The following DNMBP variants were observed in gnomAD, a reference collection of about 807,000 sequenced individuals.
DNMBP encodes the protein dynamin-binding protein.
Under a neutral mutation model 150.0 loss-of-function variants are expected in DNMBP, and 87 were observed. That is an observed-to-expected ratio of 0.58 (90% CI 0.49 to 0.69). The LOEUF is 0.69. Ranked by LOEUF, DNMBP falls within the 30% of genes least tolerant of loss-of-function variation. The pLI is 0.00. For synonymous variants in DNMBP, 711 were observed against 750.4 expected, an observed-to-expected ratio of 0.95 and a Z score of 0.86; for missense variants, 1,774 against 1,949.0, an observed-to-expected ratio of 0.91 and a Z score of 1.69.
At chr10:99,998,740 T>C (rs1442586547) in intron 1 of DNMBP, among the ~76,000 whole-genome samples, 1 of 152,124 alleles carries the variant, frequency 6.6e-6, no homozygotes, top group Non-Finnish European at 1.5e-5. Flanking sequence ...TACTGCTGTT[T>C]TGGGGGGTGA....
chr10:99,904,827 T>G (rs1483542671), intron 6 of DNMBP, among the ~76,000 whole-genome samples: 2 of 152,190 alleles, frequency 1.3e-5, no homozygotes, highest in Non-Finnish European at 2.9e-5. Context: ...TATGGATATT[T>G]GCTTTCATTT....
At chr10:99,925,525 C>G (rs921593240) in intron 4 of DNMBP, among the ~76,000 whole-genome samples, 2 of 152,156 alleles carry the variant, frequency 1.3e-5, no homozygotes, top group Non-Finnish European at 2.9e-5. Flanking sequence ...AAGCGATTCT[C>G]CCGCCTCAGC....
intron 4 of DNMBP, chr10:99,914,152 G>C: frequency 4.7e-6 from 6 of 1,287,226 alleles, no homozygotes; most frequent in Non-Finnish European, 6.0e-6. Flanking sequence ...TGTCCTAAAG[G>C]ATGGAGCTGG....
At chr10:100,005,679 G>C (rs1391167507) in intron 1 of DNMBP, among the ~76,000 whole-genome samples, 5 of 150,428 alleles carry the variant, frequency 3.3e-5, no homozygotes, top group African/African-American at 7.4e-5. Context: ...GCTTGAACCC[G>C]GGAGGCGGAG....
chr10:99,903,757 A>G (rs2039780851), intron 6 of DNMBP, among the ~76,000 whole-genome samples: 1 of 152,210 alleles, frequency 6.6e-6, no homozygotes, highest in Non-Finnish European at 1.5e-5. Flanking sequence ...TTCACCATCC[A>G]GACATGATTT....
chr10:99,962,945 ACTG>A (rs1230297624), intron 3 of DNMBP, among the ~76,000 whole-genome samples: 1 of 151,470 alleles, frequency 6.6e-6, no homozygotes, highest in African/African-American at 2.4e-5. Flanking sequence ...TACCTGATGG[ACTG>A]CTATTTTATT....
At chr10:99,892,409 A>G (rs1281191381) in intron 11 of DNMBP, among the ~76,000 whole-genome samples, 1 of 139,890 alleles carries the variant, frequency 7.1e-6, no homozygotes, top group Non-Finnish European at 1.5e-5. Flanking sequence ...TTTGTTCTGC[A>G]CTAAGAAAAA....
intron 1 of DNMBP, among the ~76,000 whole-genome samples, chr10:99,989,257 G>A (rs774941665): frequency 2.0e-5 from 3 of 152,182 alleles, no homozygotes; most frequent in Non-Finnish European, 4.4e-5. Flanking sequence ...GTCACATTTT[G>A]GTAGGACTTG....
chr10:99,902,698 T>A, intron 6 of DNMBP, among the ~76,000 whole-genome samples: 1 of 144,250 alleles, frequency 6.9e-6, no homozygotes, highest in Non-Finnish European at 1.5e-5. Flanking sequence ...GAGGCCAAGG[T>A]GGGCGGATCC....
At chr10:99,948,002 G>A (rs144713536) in intron 4 of DNMBP, among the ~76,000 whole-genome samples, 4 of 152,208 alleles carry the variant, frequency 2.6e-5, no homozygotes, top group East Asian at 1.9e-4. Flanking sequence ...ATGTTTTTAC[G>A]ATGTTGATGA....
At position 99,936,192 on chromosome 10, in the gene DNMBP, A is replaced by G. The variant is rs555943429; in HGVS notation, c.2260+19022T>C. 3.0e-4 allele frequency among the ~76,000 whole-genome samples: 45 copies of G among 152,348 alleles called. No individual in the cohort carries two copies. The South Asian group carries it at 5.0e-3, about 17-fold the overall frequency. On this transcript the variant is annotated intron_variant, in intron 4 of 16. Transcript: ENST00000324109. ...ATAAAATTAGAGTAATTTTTTCAAAATTAAATCATAAATCATATAGAACTG... is the reference window on the plus strand; with the variant it reads ...ATAAAATTAGAGTAATTTTTTCAAAGTTAAATCATAAATCATATAGAACTG...
Position 99,909,142 on chromosome 10 carries a change from C to T in DNMBP, c.2265G>A (p.Met755Ile), listed in dbSNP as rs751240225. The change falls in exon 5 of 17, where the codon ATG (methionine) becomes ATA (isoleucine). Residue 755 changes from methionine (M) to isoleucine (I), a missense_variant. Transcript: ENST00000324109. ...ATGAAGACTGGGAGGAGAGGAGCGTCATTTCTAGAAGGGAAAAGAGAACTG... is the reference window on the plus strand; with the variant it reads ...ATGAAGACTGGGAGGAGAGGAGCGTTATTTCTAGAAGGGAAAAGAGAACTG... Reference protein sequence around the residue: ...LNMELQQLREMTLLSSQSSSL... With the variant: ...LNMELQQLREITLLSSQSSSL... The T allele has an allele frequency of 6.2e-6, 10 of 1,612,770 alleles. No individual in the cohort carries two copies. In the East Asian group the frequency reaches 2.0e-4, roughly 32 times the overall value.
chr10:99,912,793 G>A (rs1235358063), intron 4 of DNMBP, among the ~76,000 whole-genome samples: 1 of 152,144 alleles, frequency 6.6e-6, no homozygotes, highest in African/African-American at 2.4e-5. Context: ...CCAAGTAGCT[G>A]GGACTATAGG....
intron 3 of DNMBP, among the ~76,000 whole-genome samples, chr10:99,968,452 C>T (rs975906891): frequency 1.3e-5 from 2 of 151,956 alleles, no homozygotes; most frequent in Non-Finnish European, 2.9e-5. Context: ...TTTGGGAGGC[C>T]GAGGCAGGCA....
rs71009782 is a variant in DNMBP at position 99,883,638 on chromosome 10, C to CAAAAAAAAA, written c.3997+364_3997+372dup. ...CCTGGATAACAGAGCAAGACTGCCACAAAAAAAAAAAAAAAAAAAAAAAAA... is the reference window on the plus strand; with the variant it reads ...CCTGGATAACAGAGCAAGACTGCCACAAAAAAAAAAAAAAAAAAAAAAAAAAAAAAAAAA... On this transcript the variant is annotated intron_variant, in intron 15 of 16. Transcript: ENST00000324109. 1.2e-3 allele frequency among the ~76,000 whole-genome samples: 76 copies of CAAAAAAAAA among 65,608 alleles called. 3 individuals carry two copies. The highest frequency in any genetic ancestry group is 3.0e-3 in the African/African-American group (61 of 20,096). The allele number at this position is 65,608 out of a possible 152,430, so 43.0% of individuals were successfully genotyped here. A position where few individuals can be genotyped will look rare whatever the true frequency, so the allele number is the denominator to read the frequency against.
At chr10:99,885,320 C>G (rs1039147650) in intron 14 of DNMBP, among the ~76,000 whole-genome samples, 1 of 152,140 alleles carries the variant, frequency 6.6e-6, no homozygotes, top group Non-Finnish European at 1.5e-5. Flanking sequence ...ACCACCCTGG[C>G]CAACATGGTA....
intron 1 of DNMBP, among the ~76,000 whole-genome samples, chr10:99,981,949 C>T (rs907618814): frequency 1.3e-5 from 2 of 152,194 alleles, no homozygotes; most frequent in Non-Finnish European, 2.9e-5. Context: ...TTCCATCCCC[C>T]ACCTCTTCAG....
intron 9 of DNMBP, 188 bp from the exon 10 acceptor site, chr10:99,896,585 C>G (rs2039659871): frequency 1.7e-6 from 1 of 585,008 alleles, no homozygotes; most frequent in Admixed American, 3.0e-5. Flanking sequence ...AATGGGCAGC[C>G]AGGAGAGGGG....
intron 1 of DNMBP, among the ~76,000 whole-genome samples, chr10:99,976,868 T>C (rs1041412095): frequency 6.6e-6 from 1 of 152,194 alleles, no homozygotes; most frequent in Non-Finnish European, 1.5e-5. Context: ...TCCTTAACCT[T>C]CGGCCAAATT....
Sources: gnomAD v4.1 joint callset for allele counts (sites outside exome capture counted in the v4.1 genomes callset) on GRCh38, gnomAD v4.1.1 for gene constraint, MANE v1.5 for transcripts, NCBI Gene and HGNC (gene_info 2026-07-23, HGNC 2026-07-21) for gene names.